Variants in TBC1D2 observed in about 807,000 individuals in gnomAD.
TBC1D2 encodes the protein TBC1 domain family member 2, also known as TBC1 domain family member 2A.
Under a neutral mutation model 91.1 loss-of-function variants are expected in TBC1D2, and 58 were observed. That is an observed-to-expected ratio of 0.64 (90% CI 0.52 to 0.79). The LOEUF (loss-of-function observed/expected upper bound fraction) is 0.79. TBC1D2 is among the 30% of genes least tolerant of loss of function. TBC1D2 has a pLI of 0.00. For missense variants in TBC1D2, 1,080 were observed against 1,208.3 expected (o/e 0.89, Z 1.57); for synonymous variants, 482 against 511.5 (o/e 0.94, Z 0.78).
Position 98,228,871 on chromosome 9 carries a change from G to A in TBC1D2, c.978+81C>T, listed in dbSNP as rs549586502. ...AGCTGGTGCCCAGCACGGCTAATGCGTCCCATCTAGCTTATCCGAAAGGCT... is the reference window on the plus strand; with the variant it reads ...AGCTGGTGCCCAGCACGGCTAATGCATCCCATCTAGCTTATCCGAAAGGCT... On this transcript the variant is annotated intron_variant, in intron 5 of 12. Transcript: ENST00000465784. This position sits in a 1 kb window ranked among gnomAD's most constrained non-coding sequence, Gnocchi z 4.0. The A allele has an allele frequency of 2.5e-5, 34 of 1,383,170 alleles. No homozygotes were observed. The highest frequency in any genetic ancestry group is 9.2e-5 in the East Asian group (4 of 43,462). 85.7% of individuals were successfully genotyped at this position (1,383,170 alleles called of 1,614,324 possible).
At chr9:98,216,297 A>T (rs1383923529) in intron 6 of TBC1D2, among the ~76,000 whole-genome samples, 6 of 152,182 alleles carry the variant, frequency 3.9e-5, no homozygotes, top group African/African-American at 1.4e-4. Flanking sequence ...CTCGAGAGCT[A>T]CTATTCCCCA....
At chr9:98,240,332 A>C (rs1829606401) in intron 3 of TBC1D2, among the ~76,000 whole-genome samples, 1 of 152,154 alleles carries the variant, frequency 6.6e-6, no homozygotes, top group African/African-American at 2.4e-5. Context: ...CCAATACCTG[A>C]TCTTTTGCTG....
At chr9:98,209,719 TTC>T (rs1165707935) in intron 8 of TBC1D2, among the ~76,000 whole-genome samples, 2 of 119,184 alleles carry the variant, frequency 1.7e-5, no homozygotes, top group African/African-American at 7.8e-5. Flanking sequence ...TCTTTTTTTT[TTC>T]CTTCCTTCCT....
In TBC1D2 at chr9:98,224,411, T is replaced by C. The variant is rs116644904; in HGVS notation, c.979-3183A>G. Among the ~76,000 whole-genome samples the C allele has an allele frequency of 4.6e-3, 705 of 151,706 alleles. 8 individuals carry two copies. Among genetic ancestry groups the C allele is most frequent in the African/African-American group, 0.016 (655 of 41,368 alleles). ...GATTCTCTTGCCTCAGTCTCCCTTGTAGCTGGGACTACAGGCATGCACCAC... is the reference window on the plus strand; with the variant it reads ...GATTCTCTTGCCTCAGTCTCCCTTGCAGCTGGGACTACAGGCATGCACCAC... On this transcript the variant is annotated intron_variant, in intron 5 of 12. Transcript: ENST00000465784.
intron 2 of TBC1D2, among the ~76,000 whole-genome samples, chr9:98,251,182 C>T (rs1222539361): frequency 6.6e-6 from 1 of 151,936 alleles, no homozygotes; most frequent in Non-Finnish European, 1.5e-5. Flanking sequence ...CTGAGGCTGC[C>T]TCGGGAGGCT....
chr9:98,220,009 G>A (rs1829056001), intron 6 of TBC1D2, among the ~76,000 whole-genome samples: 1 of 152,204 alleles, frequency 6.6e-6, no homozygotes, highest in Non-Finnish European at 1.5e-5. Flanking sequence ...TTCACATAAA[G>A]TTCCTACCTC....
In TBC1D2 at chr9:98,228,914, C is replaced by T. The variant is rs1260755967; in HGVS notation, c.978+38G>A. 2 of 1,593,960 alleles carry T rather than the reference C, an allele frequency of 1.3e-6. No individual in the cohort carries two copies. Among genetic ancestry groups the T allele is most frequent in the Non-Finnish European group, 1.7e-6 (2 of 1,165,982 alleles). ...GAAAGGCTCCAGGAACTGGAGGGGT[C>T]CACTGGAACCTGGGGCCTCCCTGGG... On this transcript the variant is annotated intron_variant, in intron 5 of 12. Transcript: ENST00000465784. This position sits in a 1 kb window ranked among gnomAD's most constrained non-coding sequence, Gnocchi z 4.0.
rs756996715 is a variant in TBC1D2, at chr9:98,199,337, C to G, written c.*44G>C. ...CCGTGCCTGACCTCCAGTGGGTCTG[C>G]CAGCCAAGGGTGAGGAAGGCTGTGG... On this transcript the variant is annotated 3_prime_UTR_variant, in exon 13 of 13. Coordinates refer to ENST00000465784, the MANE Select transcript of TBC1D2 (RefSeq NM_001267571.2). 1.9e-6 allele frequency: 3 copies of G among 1,607,420 alleles called. No homozygotes were observed. In the South Asian group the frequency reaches 3.3e-5, roughly 18 times the overall value.
In TBC1D2 at chr9:98,213,204, A is replaced by C; in HGVS notation, c.1389T>G (p.Ala463=). 6.2e-7 allele frequency: 1 copy of C among 1,614,184 alleles called. No homozygotes were observed. Among genetic ancestry groups the C allele is most frequent in the Non-Finnish European group, 8.5e-7 (1 of 1,180,026 alleles). Residue 463 remains alanine (A), a synonymous_variant, in exon 7 of 13, where the codon GCT becomes GCG. Transcript: ENST00000465784. The part of the protein sequence containing the change: ...KIEHLKDDME[A]YRTQNCFLNS... ...TGAGGAAGCAGTTCTGGGTCCGGTAAGCTTCCATGTCATCCTGGAGAAGAG... is the reference window on the plus strand; with the variant it reads ...TGAGGAAGCAGTTCTGGGTCCGGTACGCTTCCATGTCATCCTGGAGAAGAG...
intron 3 of TBC1D2, among the ~76,000 whole-genome samples, chr9:98,239,865 G>T (rs888426364): frequency 4.6e-5 from 7 of 152,020 alleles, no homozygotes; most frequent in African/African-American, 1.7e-4. Context: ...GATGTAATTA[G>T]GTCTTTTTAG....
Position 98,221,013 on chromosome 9 carries a change from C to T in TBC1D2, c.1194G>A (p.Gln398=). ...HTASLREQQV[Q]ELQQHVQLLM... is the part of the protein sequence containing the mutation. ...GCAGCTGCACGTGCTGCTGTAGCTC[C>T]TGCACCTGCTGCTCCCGCAGGCTCG... Residue 398 remains glutamine, a synonymous_variant, in exon 6 of 13, where the codon CAG becomes CAA. Coordinates refer to ENST00000465784, the MANE Select transcript of TBC1D2 (RefSeq NM_001267571.2). 3.1e-6 allele frequency: 5 copies of T among 1,614,118 alleles called. No homozygotes were observed. Among genetic ancestry groups the T allele is most frequent in the East Asian group, 2.2e-5 (1 of 44,882 alleles).
chr9:98,242,204 G>A (rs1365451261), intron 3 of TBC1D2, among the ~76,000 whole-genome samples: 2 of 152,026 alleles, frequency 1.3e-5, no homozygotes, highest in Non-Finnish European at 2.9e-5. Context: ...CACTTTGGGA[G>A]GCCGAGGTGG....
chr9:98,223,971 G>A (rs1044977121), intron 5 of TBC1D2, among the ~76,000 whole-genome samples: 25 of 152,050 alleles, frequency 1.6e-4, no homozygotes, highest in Non-Finnish European at 2.5e-4. Flanking sequence ...AGGCCAAGGC[G>A]GTCGGATCAC....
intron 6 of TBC1D2, among the ~76,000 whole-genome samples, chr9:98,214,087 C>G (rs1047313473): frequency 6.6e-6 from 1 of 152,260 alleles, no homozygotes; most frequent in Non-Finnish European, 1.5e-5. Context: ...CTATACCTCA[C>G]AATTCCAGGG....
chr9:98,202,406 C>T (rs577092890), intron 10 of TBC1D2, among the ~76,000 whole-genome samples: 1 of 152,322 alleles, frequency 6.6e-6, no homozygotes, highest in African/African-American at 2.4e-5. Context: ...GCTCAGTCCT[C>T]TCCTCTCACT....
chr9:98,209,756 T>TTTCCTTCCTTTCCTTCCTTCC (rs1828771457), intron 8 of TBC1D2, among the ~76,000 whole-genome samples: 1 of 105,478 alleles, frequency 9.5e-6, no homozygotes, highest in African/African-American at 4.2e-5. Flanking sequence ...CCTTCCTTCC[T>TTTCCTTCCTTTCCTTCCTTCC]TTCCTTCCTT....
chr9:98,238,179 C>T lies in TBC1D2; in HGVS notation c.648-4630G>A, dbSNP rs1200257001. Among the ~76,000 whole-genome samples, 5 of 136,784 alleles carry T rather than the reference C, an allele frequency of 3.7e-5. 1 individual carries two copies. The highest frequency in any genetic ancestry group is 1.8e-4 in the African/African-American group (5 of 27,312). 89.7% of individuals were successfully genotyped at this position (136,784 alleles called of 152,430 possible). Reference sequence around the variant, plus strand: ...TTGGCCTCCTAAAGTGTTGGGATTACAGGCGTGAGCCCCTGCGCTCAGCCT... The same window carrying T: ...TTGGCCTCCTAAAGTGTTGGGATTATAGGCGTGAGCCCCTGCGCTCAGCCT... On this transcript the variant is annotated intron_variant, in intron 3 of 12. Transcript: ENST00000465784.
chr9:98,249,739 G>A (rs527668993), intron 2 of TBC1D2, among the ~76,000 whole-genome samples: 1 of 152,320 alleles, frequency 6.6e-6, no homozygotes, highest in East Asian at 1.9e-4. Context: ...TATTATGATA[G>A]TAATAGCATG....
rs2119165323 is a variant in TBC1D2 at position 98,238,700 on chromosome 9, T to C, written c.648-5151A>G. Among the ~76,000 whole-genome samples the C allele has an allele frequency of 2.9e-5, 4 of 136,460 alleles. No individual in the cohort carries two copies. In the Middle Eastern group the frequency reaches 0.01, roughly 358 times the overall value. 89.5% of individuals were successfully genotyped at this position (136,460 alleles called of 152,430 possible). ...CTTTGCATTTTTCATTGATTCCCTT[T>C]ATCAAGCTGGGGAAGTTTCGTTCTA... On this transcript the variant is annotated intron_variant, in intron 3 of 12. Transcript: ENST00000465784.
Sources: gnomAD v4.1 joint callset for allele counts (sites outside exome capture counted in the v4.1 genomes callset) on GRCh38, gnomAD v4.1.1 for gene constraint, Gnocchi (gnomAD v3.1) non-coding constraint, MANE v1.5 for transcripts, NCBI Gene and HGNC (gene_info 2026-07-23, HGNC 2026-07-21) for gene names.